The following ROBO1 variants were observed in gnomAD, a reference collection of about 807,000 sequenced individuals.
ROBO1 encodes roundabout homolog 1.
In ROBO1, 149 loss-of-function variants were observed where a neutral mutation model predicts 195.9. That is an observed-to-expected ratio of 0.76 (90% CI 0.67 to 0.87). The LOEUF is 0.87. Ranked by LOEUF, ROBO1 falls within the 40% of genes least tolerant of loss-of-function variation. The pLI is 0.00. For synonymous variants in ROBO1, 816 were observed against 733.2 expected (o/e 1.11, Z -1.82); for missense variants, 1,933 against 2,068.3 (o/e 0.93, Z 1.27).
chr3:78,671,378 A>G (rs1336937542), intron 10 of ROBO1, among the ~76,000 whole-genome samples: 1 of 152,052 alleles, frequency 6.6e-6, no homozygotes, highest in Non-Finnish European at 1.5e-5. Context: ...TGTTAATGAA[A>G]AATTTTTAAA....
chr3:79,172,999 T>G (rs985301741), intron 2 of ROBO1, among the ~76,000 whole-genome samples: 2 of 152,196 alleles, frequency 1.3e-5, no homozygotes, highest in African/African-American at 2.4e-5. Context: ...TCAGTTGTGT[T>G]CATATCTGCC....
intron 1 of ROBO1, among the ~76,000 whole-genome samples, chr3:79,642,783 GA>G (rs1190465798): frequency 6.6e-6 from 1 of 151,898 alleles, no homozygotes; most frequent in Non-Finnish European, 1.5e-5. Flanking sequence ...CACTCTGAAC[GA>G]AAAAAACACT....
chr3:79,352,896 A>T (rs2035400418), intron 2 of ROBO1, among the ~76,000 whole-genome samples: 1 of 152,222 alleles, frequency 6.6e-6, no homozygotes, highest in Non-Finnish European at 1.5e-5. Flanking sequence ...ACACTCATTT[A>T]AAAATCTCAA....
chr3:79,525,570 T>TA (rs1559964906), intron 2 of ROBO1, among the ~76,000 whole-genome samples: 7 of 144,968 alleles, frequency 4.8e-5, no homozygotes, highest in African/African-American at 7.6e-5. Context: ...ATATATATAT[T>TA]TTTTTTGGTA....
At chr3:79,434,744 C>T (rs1486723442) in intron 2 of ROBO1, among the ~76,000 whole-genome samples, 1 of 152,140 alleles carries the variant, frequency 6.6e-6, no homozygotes, top group Non-Finnish European at 1.5e-5. Flanking sequence ...AATCATGCTG[C>T]TGTAAAGACA....
At chr3:79,700,652 G>A (rs1001652142) in intron 1 of ROBO1, among the ~76,000 whole-genome samples, 4 of 151,624 alleles carry the variant, frequency 2.6e-5, no homozygotes, top group Non-Finnish European at 5.9e-5. Flanking sequence ...TTTCATGTTT[G>A]TTGGCCACCT....
intron 3 of ROBO1, among the ~76,000 whole-genome samples, chr3:78,981,903 G>A (rs1052687781): frequency 7.2e-5 from 11 of 151,834 alleles, no homozygotes; most frequent in Admixed American, 4.6e-4. Context: ...AAATCCAACT[G>A]TCTTAAAACC....
intron 3 of ROBO1, among the ~76,000 whole-genome samples, chr3:79,113,769 A>G (rs138742513): frequency 6.6e-6 from 1 of 152,234 alleles, no homozygotes; most frequent in East Asian, 1.9e-4. Context: ...CTCTGCCTCA[A>G]AAAAAAGTCA....
chr3:79,194,352 A>G (rs1239705800), intron 2 of ROBO1, among the ~76,000 whole-genome samples: 1 of 151,686 alleles, frequency 6.6e-6, no homozygotes, highest in African/African-American at 2.4e-5. Flanking sequence ...TTACACGGAG[A>G]TGTCACGCAA....
At chr3:79,367,429 C>G (rs2036020290) in intron 2 of ROBO1, among the ~76,000 whole-genome samples, 1 of 152,192 alleles carries the variant, frequency 6.6e-6, no homozygotes, top group Non-Finnish European at 1.5e-5. Context: ...GCAATGCTGA[C>G]TCTGATATTT....
intron 30 of ROBO1, 72 bp from the exon 31 acceptor site, chr3:78,598,999 A>G (rs1027238461): frequency 2.4e-6 from 2 of 823,398 alleles, no homozygotes; most frequent in African/African-American, 1.8e-5. Flanking sequence ...ATTTATATGC[A>G]TTTATTATTA....
At chr3:78,964,161 G>C (rs1183704849) in intron 3 of ROBO1, among the ~76,000 whole-genome samples, 2 of 151,990 alleles carry the variant, frequency 1.3e-5, no homozygotes, top group African/African-American at 4.8e-5. Flanking sequence ...CTCTATCTTT[G>C]TGTCCAAATT....
chr3:79,091,707 C>T (rs2079483219), intron 3 of ROBO1, among the ~76,000 whole-genome samples: 1 of 151,694 alleles, frequency 6.6e-6, no homozygotes, highest in South Asian at 2.1e-4. Flanking sequence ...GACATTTCGG[C>T]TAAGACCTGG....
intron 3 of ROBO1, among the ~76,000 whole-genome samples, chr3:79,056,870 G>A (rs2078819408): frequency 6.6e-6 from 1 of 152,032 alleles, no homozygotes; most frequent in African/African-American, 2.4e-5. Context: ...CAAAAACTCT[G>A]TCTGTTTATC....
chr3:78,600,162 T>C lies in ROBO1; in HGVS notation c.4892A>G (p.Gln1631Arg), dbSNP rs1575752998. The C allele has an allele frequency of 6.2e-7, 1 of 1,613,404 alleles. No individual in the cohort carries two copies. The highest frequency in any genetic ancestry group is 8.5e-7 in the Non-Finnish European group (1 of 1,179,528). Reference sequence around the variant, plus strand: ...TCCTCTTTCATATCCTCCAAGTACCTGCATTTCTGCAATATTTCTTCGACC... The same window carrying C: ...TCCTCTTTCATATCCTCCAAGTACCCGCATTTCTGCAATATTTCTTCGACC... ...NVGRRNIAEM[Q>R]VLGGYERGED... The change falls in exon 30 of 31, where the codon CAG becomes CGG. Residue 1631 changes from glutamine to arginine, a missense_variant. Gln to Arg is a conservative substitution (Grantham distance 43). This residue lies in a region of ROBO1 where 1,737 missense variants were observed against 1,882.5 expected (regional missense o/e 0.92). Coordinates refer to ENST00000464233, the MANE Select transcript of ROBO1 (RefSeq NM_002941.4).
intron 1 of ROBO1, among the ~76,000 whole-genome samples, chr3:79,713,630 G>A (rs956325725): frequency 1.3e-5 from 2 of 152,092 alleles, no homozygotes; most frequent in African/African-American, 4.8e-5. Context: ...GGCTTTTGTT[G>A]CCGTTGCTTT....
At chr3:79,121,248 A>G (rs2080110806) in intron 3 of ROBO1, among the ~76,000 whole-genome samples, 1 of 152,192 alleles carries the variant, frequency 6.6e-6, no homozygotes, top group Non-Finnish European at 1.5e-5. Context: ...TCACATACCA[A>G]AATGGTGTTT....
At chr3:78,836,405 G>A (rs561473554) in intron 4 of ROBO1, among the ~76,000 whole-genome samples, 6 of 151,052 alleles carry the variant, frequency 4.0e-5, no homozygotes, top group Non-Finnish European at 7.4e-5. Context: ...CCAGCTACTC[G>A]GGAGGCTGAG....
chr3:78,787,320 T>C (rs1329794476), intron 4 of ROBO1, among the ~76,000 whole-genome samples: 1 of 152,242 alleles, frequency 6.6e-6, no homozygotes, highest in African/African-American at 2.4e-5. Context: ...CTATTCATGA[T>C]GTTATAGTAT....
Sources: gnomAD v4.1 joint callset for allele counts (sites outside exome capture counted in the v4.1 genomes callset) on GRCh38, gnomAD v4.1.1 for gene constraint, gnomAD v4.1.1 regional missense constraint, MANE v1.5 for transcripts, NCBI Gene and HGNC (gene_info 2026-07-23, HGNC 2026-07-21) for gene names.